Variants in MLC1 observed in about 807,000 individuals in gnomAD.
The protein encoded by MLC1 is modulator of VRAC current 1.
A neutral mutation model predicts 44.7 loss-of-function variants in MLC1; 32 were observed. The ratio of observed to expected loss-of-function variants is 0.72; its 90% CI spans 0.54 to 0.96. MLC1 has a LOEUF of 0.96. Among genes scored for constraint, MLC1 ranks in the 40% least tolerant of loss-of-function variants. The pLI, the probability that MLC1 is intolerant of heterozygous loss-of-function variation, is 0.00. For synonymous variants in MLC1, 190 were observed against 213.0 expected, an observed-to-expected ratio of 0.89 and a Z score of 0.94; for missense variants, 459 against 492.2, an observed-to-expected ratio of 0.93 and a Z score of 0.64.
intron 10 of MLC1, among the ~76,000 whole-genome samples, chr22:50,064,479 T>C (rs1259088599): frequency 6.6e-6 from 1 of 152,158 alleles, no homozygotes; most frequent in Non-Finnish European, 1.5e-5. Context: ...TGGCTGCTAG[T>C]GGTCAAGTCG....
chr22:50,083,112 A>G lies in MLC1; in HGVS notation c.239T>C (p.Met80Thr). The change falls in exon 3 of 12, where the codon ATG becomes ACG. Residue 80 changes from methionine to threonine, a missense_variant. Coordinates refer to ENST00000311597, the MANE Select transcript of MLC1 (RefSeq NM_015166.4). This position sits in a 1 kb window ranked among gnomAD's most constrained non-coding sequence, Gnocchi z 4.6. The part of the protein sequence containing the change: ...LYLGNVFPAE[M>T]DYLRCAAGSC... ...GCCTGCAGCACAGCGCAAGTAATCC[A>G]TCTCAGCCGGGAACACGTTCCCCAG... is the stretch of plus-strand genomic sequence containing the variant. The G allele has an allele frequency of 6.2e-7, 1 of 1,614,108 alleles. No homozygotes were observed. The highest frequency in any genetic ancestry group is 8.5e-7 in the Non-Finnish European group (1 of 1,180,012).
intron 3 of MLC1, among the ~76,000 whole-genome samples, chr22:50,080,981 C>T (rs953054451): frequency 3.2e-5 from 3 of 94,626 alleles, no homozygotes; most frequent in East Asian, 2.7e-4. Flanking sequence ...TGTGAATACT[C>T]GGTGATAGAG....
chr22:50,065,635 A>G (rs9617140), intron 10 of MLC1, among the ~76,000 whole-genome samples: 22,361 of 152,136 alleles, frequency 0.15, 1,746 homozygotes, highest in East Asian at 0.18. Context: ...CCTCACCCAC[A>G]TTGAGACGGA....
chr22:50,062,383 C>T (rs1383699886), intron 11 of MLC1, among the ~76,000 whole-genome samples: 3 of 152,312 alleles, frequency 2.0e-5, no homozygotes, highest in Admixed American at 6.5e-5. Context: ...ACACCTCATG[C>T]GTCTGACTCT....
chr22:50,072,906 C>T lies in MLC1; in HGVS notation c.714+1310G>A, dbSNP rs915191762. 2.0e-5 allele frequency: 3 copies of T among 152,516 alleles called. No homozygotes were observed. In the South Asian group the frequency reaches 6.2e-4, roughly 32 times the overall value. 9.4% of individuals were successfully genotyped at this position (152,516 alleles called of 1,614,324 possible). ...TCCCTCTCTGAGCGCCTCAGCAGCCCACTAGGTCGGGCACTGGTGCCCTGG... is the reference window on the plus strand; with the variant it reads ...TCCCTCTCTGAGCGCCTCAGCAGCCTACTAGGTCGGGCACTGGTGCCCTGG... On this transcript the variant is annotated intron_variant, in intron 8 of 11. Transcript: ENST00000311597.
At position 50,085,347 on chromosome 22, in the gene MLC1, G is replaced by T; in HGVS notation, c.-60+8C>A. 1 of 340,852 alleles carries T rather than the reference G, an allele frequency of 2.9e-6. No homozygotes were observed. The highest frequency in any genetic ancestry group is 4.7e-6 in the Non-Finnish European group (1 of 211,542). The allele number at this position is 340,852 out of a possible 1,614,324, so 21.1% of individuals were successfully genotyped here. On this transcript the variant is annotated splice_region_variant and intron_variant, in intron 1 of 11. Transcript: ENST00000311597. ...CTCTACTCAACGGCTTAATGTCTGA[G>T]CACTTACCTCCCCCGCTGCTCTGCC...
At chr22:50,071,951 G>C (rs1389828072) in intron 8 of MLC1, among the ~76,000 whole-genome samples, 2 of 152,218 alleles carry the variant, frequency 1.3e-5, no homozygotes, top group African/African-American at 4.8e-5. Context: ...GGGAGCCTGG[G>C]CAGCAGGGAG....
chr22:50,069,503 G>A (rs567704807), intron 9 of MLC1, among the ~76,000 whole-genome samples: 25 of 151,988 alleles, frequency 1.6e-4, no homozygotes, highest in Middle Eastern at 6.8e-3. Context: ...AAAACTAAGC[G>A]GGTGTGGTGG....
rs116327480 is a variant in MLC1 at position 50,065,768 on chromosome 22, G to A, written c.895-1570C>T. On this transcript the variant is annotated intron_variant, in intron 10 of 11. Coordinates refer to ENST00000311597, the MANE Select transcript of MLC1 (RefSeq NM_015166.4). ...GACGGCCCCCATTGAGGAGGTCGCC[G>A]AGATTTATCAGCATGACAGCTGCAC... Among the ~76,000 whole-genome samples the A allele has an allele frequency of 2.7e-3, 415 of 152,320 alleles. 2 individuals are homozygous for A. Among genetic ancestry groups the A allele is most frequent in the African/African-American group, 9.6e-3 (401 of 41,576 alleles).
intron 4 of MLC1, 33 bp downstream of exon 4, chr22:50,080,311 C>A: frequency 6.3e-7 from 1 of 1,593,846 alleles, no homozygotes; most frequent in Non-Finnish European, 8.6e-7. Flanking sequence ...CCGGCTTTCT[C>A]CCTGGCAGAG....
intron 11 of MLC1, 128 bp from the exon 12 acceptor site, chr22:50,061,785 G>A (rs1314984654): frequency 2.4e-6 from 2 of 838,506 alleles, no homozygotes; most frequent in Non-Finnish European, 4.0e-6. Flanking sequence ...TGAAGGAAGT[G>A]GGGAAACTAA....
intron 11 of MLC1, among the ~76,000 whole-genome samples, chr22:50,061,955 C>A (rs934036629): frequency 2.0e-5 from 3 of 152,228 alleles, no homozygotes; most frequent in African/African-American, 7.2e-5. Context: ...CGGGGGGAGG[C>A]CGCCCAAGGT....
chr22:50,071,136 T>G (rs2061841753), intron 8 of MLC1, among the ~76,000 whole-genome samples: 1 of 151,120 alleles, frequency 6.6e-6, no homozygotes, highest in Admixed American at 6.6e-5. Flanking sequence ...TAAGATGGAG[T>G]CTTGCTCTGT....
In MLC1 at chr22:50,070,367, A is replaced by G. The variant is rs2076133; in HGVS notation, c.771+160T>C. On this transcript the variant is annotated intron_variant, in intron 9 of 11. Coordinates refer to ENST00000311597, the MANE Select transcript of MLC1 (RefSeq NM_015166.4). ...GTCCCTGCTGAGCGGGCCAGCCTCC[A>G]CCTCCCACAACCCCACCTTCCTCAT... Among the ~76,000 whole-genome samples the G allele has an allele frequency of 0.12, 18,596 of 152,042 alleles. 1,273 individuals are homozygous for G. The highest frequency in any genetic ancestry group is 0.23 in the South Asian group (1,101 of 4,804).
At position 50,059,583 on chromosome 22, in the gene MLC1, C is replaced by G. The variant is rs867842712; in HGVS notation, c.*2000G>C. ...GAAACTTGAGCTCTCTGGTCTGCCC[C>G]CAAGAAGACATCAGCCCGCCCCGGG... On this transcript the variant is annotated 3_prime_UTR_variant, in exon 12 of 12. Transcript: ENST00000311597. The G allele has an allele frequency of 6.6e-5, 10 of 151,738 alleles. No homozygotes were observed. The highest frequency in any genetic ancestry group is 2.4e-4 in the African/African-American group (10 of 41,370). The allele number at this position is 151,738 out of a possible 1,614,324, so 9.4% of individuals were successfully genotyped here.
Position 50,084,701 on chromosome 22 carries a change from A to G in MLC1, c.177+25T>C, listed in dbSNP as rs763824300. 63 of 1,612,538 alleles carry G rather than the reference A, an allele frequency of 3.9e-5. No homozygotes were observed. In the Middle Eastern group the frequency reaches 5.3e-4, roughly 13 times the overall value. ...AGGGACCAGATGCTCGTGGCCCTCC[A>G]AGGGCTTAGTGTGGAGCTACTCACC... On this transcript the variant is annotated intron_variant, in intron 2 of 11. Transcript: ENST00000311597.
chr22:50,068,207 A>G (rs1025351854), intron 10 of MLC1, among the ~76,000 whole-genome samples: 1 of 152,240 alleles, frequency 6.6e-6, no homozygotes, highest in African/African-American at 2.4e-5. Flanking sequence ...GTCCCTGTGA[A>G]GCAGGTGGTG....
chr22:50,070,047 CA>C (rs1279202539), intron 9 of MLC1, among the ~76,000 whole-genome samples: 1 of 151,966 alleles, frequency 6.6e-6, no homozygotes, highest in Non-Finnish European at 1.5e-5. Flanking sequence ...ACTAAAAATA[CA>C]AAAATTAGCC....
intron 7 of MLC1, 180 bp from the exon 8 acceptor site, chr22:50,074,512 C>G: frequency 1.5e-6 from 1 of 645,170 alleles, no homozygotes; most frequent in Admixed American, 2.3e-5. Context: ...CCCCTCTGCC[C>G]TCAGCTGCGG....
Sources: allele counts gnomAD v4.1 joint callset (sites outside exome capture counted in the v4.1 genomes callset), GRCh38; gene constraint gnomAD v4.1.1; non-coding constraint Gnocchi (gnomAD v3.1); transcripts MANE v1.5; gene names NCBI Gene and HGNC (gene_info 2026-07-23, HGNC 2026-07-21).